Variants in IMPG1 observed in about 807,000 individuals in gnomAD.
IMPG1 encodes interphotoreceptor matrix proteoglycan 1, also known as interphotoreceptor matrix proteoglycan of 150 kDa.
Under a neutral mutation model 92.0 loss-of-function variants are expected in IMPG1, and 85 were observed. The observed-to-expected ratio is 0.92, with a 90% confidence interval of 0.78 to 1.11. The LOEUF (loss-of-function observed/expected upper bound fraction) is 1.11. Among genes scored for constraint, IMPG1 ranks in the 50% least tolerant of loss-of-function variants. IMPG1 has a pLI of 0.00. For missense variants in IMPG1, 1,022 were observed against 956.0 expected, an observed-to-expected ratio of 1.07 and a Z score of -0.91; for synonymous variants, 367 against 334.1, an observed-to-expected ratio of 1.10 and a Z score of -1.08.
At chr6:76,060,604 G>A (rs1784189349) in intron 1 of IMPG1, among the ~76,000 whole-genome samples, 1 of 152,176 alleles carries the variant, frequency 6.6e-6, no homozygotes, top group Non-Finnish European at 1.5e-5. Context: ...TGGATGAAAT[G>A]ATCTTCTTAG....
At chr6:76,063,212 A>C (rs1334342088) in intron 1 of IMPG1, among the ~76,000 whole-genome samples, 4 of 151,894 alleles carry the variant, frequency 2.6e-5, no homozygotes, top group Non-Finnish European at 5.9e-5. Flanking sequence ...TCAAAAAAAT[A>C]AAATAAAATA....
At chr6:76,022,937 T>C (rs1783458880) in intron 5 of IMPG1, among the ~76,000 whole-genome samples, 1 of 152,210 alleles carries the variant, frequency 6.6e-6, no homozygotes, top group African/African-American at 2.4e-5. Flanking sequence ...GGCAAAAACA[T>C]AGAATGCCTT....
chr6:75,973,251 A>T (rs772150676), intron 12 of IMPG1, among the ~76,000 whole-genome samples: 1 of 152,118 alleles, frequency 6.6e-6, no homozygotes, highest in Non-Finnish European at 1.5e-5. Context: ...AAGTGTCCGG[A>T]TTACAGGCAT....
intron 15 of IMPG1, among the ~76,000 whole-genome samples, chr6:75,924,657 A>AATATATGAT (rs1562335039): frequency 1.5e-4 from 1 of 6,680 alleles, no homozygotes; most frequent in African/African-American, 3.0e-4. Context: ...AATTATATAT[A>AATATATGAT]ATATATAATA....
chr6:75,994,619 A>ACT (rs1782866967), intron 12 of IMPG1, among the ~76,000 whole-genome samples: 2 of 151,942 alleles, frequency 1.3e-5, no homozygotes, highest in Admixed American at 1.3e-4. Flanking sequence ...GGGCAGGGGA[A>ACT]CTCCTTTTTA....
intron 7 of IMPG1, among the ~76,000 whole-genome samples, chr6:76,014,112 C>A (rs1783240823): frequency 6.6e-6 from 1 of 152,196 alleles, no homozygotes; most frequent in African/African-American, 2.4e-5. Flanking sequence ...CTCTCTGAAT[C>A]TTGGTCTCCT....
rs769613972 is a variant in IMPG1, at chr6:76,005,651, C to T, written c.888-117G>A. The T allele has an allele frequency of 3.5e-5, 33 of 951,912 alleles. No homozygotes were observed. The Middle Eastern group carries it at 1.0e-3, about 29-fold the overall frequency. 59.0% of individuals were successfully genotyped at this position (951,912 alleles called of 1,614,324 possible). A position where few individuals can be genotyped will look rare whatever the true frequency, so the allele number is the denominator to read the frequency against. On this transcript the variant is annotated intron_variant, in intron 9 of 16. Transcript: ENST00000369950. ...GCTTCCACCTCTTTCCTGATGGGCT[C>T]GGAGAGAATATCCCACTTTAAAACA...
chr6:75,949,092 C>T (rs1781982279), intron 13 of IMPG1, among the ~76,000 whole-genome samples: 1 of 152,184 alleles, frequency 6.6e-6, no homozygotes, highest in South Asian at 2.1e-4. Context: ...TTCATTATGG[C>T]AGCTTAGCAT....
intron 12 of IMPG1, among the ~76,000 whole-genome samples, chr6:75,982,424 C>T (rs1782641578): frequency 6.6e-6 from 1 of 151,584 alleles, no homozygotes; most frequent in Non-Finnish European, 1.5e-5. Context: ...GTCTGTAATC[C>T]CAGCTACTCA....
At chr6:75,972,802 A>G (rs1782445175) in intron 12 of IMPG1, among the ~76,000 whole-genome samples, 1 of 152,240 alleles carries the variant, frequency 6.6e-6, no homozygotes, top group South Asian at 2.1e-4. Flanking sequence ...CCAGCATAAA[A>G]TAGTAATTTA....
chr6:75,974,453 T>TTCCTTCCTTCCTTCCTTCCTTCCTTCC (rs1782499960), intron 12 of IMPG1, among the ~76,000 whole-genome samples: 1 of 101,362 alleles, frequency 9.9e-6, no homozygotes, highest in Non-Finnish European at 2.1e-5. Flanking sequence ...TCCTTCCTTC[T>TTCCTTCCTTCCTTCCTTCCTTCCTTCC]TTCTTCTTTC....
intron 15 of IMPG1, among the ~76,000 whole-genome samples, chr6:75,929,276 CT>C (rs1434357054): frequency 6.6e-6 from 1 of 152,128 alleles, no homozygotes; most frequent in Non-Finnish European, 1.5e-5. Context: ...CATCAATCTC[CT>C]TTTGCCAAAT....
chr6:76,026,418 C>T (rs761108466), intron 4 of IMPG1, among the ~76,000 whole-genome samples: 7 of 152,168 alleles, frequency 4.6e-5, no homozygotes, highest in African/African-American at 7.2e-5. Flanking sequence ...AACCATGCCC[C>T]CATACCCCAT....
intron 9 of IMPG1, among the ~76,000 whole-genome samples, chr6:76,006,410 A>G (rs927654939): frequency 6.7e-6 from 1 of 148,206 alleles, no homozygotes; most frequent in Non-Finnish European, 1.5e-5. Context: ...ATATATATGT[A>G]AAAAAAGTCC....
At chr6:76,020,245 G>A (rs541941623) in intron 6 of IMPG1, among the ~76,000 whole-genome samples, 1 of 151,958 alleles carries the variant, frequency 6.6e-6, no homozygotes, top group African/African-American at 2.4e-5. Flanking sequence ...TGAAGATGGG[G>A]TCTCCCAGTC....
At chr6:75,998,256 T>C (rs1019790892) in intron 12 of IMPG1, among the ~76,000 whole-genome samples, 8 of 152,248 alleles carry the variant, frequency 5.3e-5, no homozygotes, top group Non-Finnish European at 1.0e-4. Context: ...AATTCATTCA[T>C]TCACTGCTGT....
intron 15 of IMPG1, among the ~76,000 whole-genome samples, chr6:75,925,754 C>A (rs2149448372): frequency 6.6e-6 from 1 of 152,328 alleles, no homozygotes; most frequent in South Asian, 2.1e-4. Flanking sequence ...CAACCTCCAT[C>A]TCCCAGGTTC....
In IMPG1 at chr6:76,020,208, A is replaced by T. The variant is rs142375653; in HGVS notation, c.667-1350T>A. ...GCTGGGACTACAGGCATGGACCACC[A>T]TGCCCAGGTAATTTTTAAATTTTTT... is the stretch of plus-strand genomic sequence containing the variant. On this transcript the variant is annotated intron_variant, in intron 6 of 16. Transcript: ENST00000369950. 2.0e-5 allele frequency among the ~76,000 whole-genome samples: 3 copies of T among 152,118 alleles called. No individual in the cohort carries two copies. In the East Asian group the frequency reaches 5.8e-4, roughly 30 times the overall value.
At position 75,980,596 on chromosome 6, in the gene IMPG1, A is replaced by G. The variant is rs114098155; in HGVS notation, c.1291+22322T>C. Among the ~76,000 whole-genome samples the G allele has an allele frequency of 5.7e-3, 868 of 152,330 alleles. 9 individuals carry two copies. Among genetic ancestry groups the G allele is most frequent in the African/African-American group, 0.02 (819 of 41,574 alleles). On this transcript the variant is annotated intron_variant, in intron 12 of 16. Coordinates refer to ENST00000369950, the MANE Select transcript of IMPG1 (RefSeq NM_001563.4). ...TGACTTGCTGAGGCTTCTAGCCTTC[A>G]TCTGTCTCCTGTGCTGGGTGCTTTC... is the stretch of plus-strand genomic sequence containing the variant.
Sources: allele counts gnomAD v4.1 joint callset (sites outside exome capture counted in the v4.1 genomes callset), GRCh38; gene constraint gnomAD v4.1.1; transcripts MANE v1.5; gene names NCBI Gene and HGNC (gene_info 2026-07-23, HGNC 2026-07-21).